SLC36A1: variants seen among roughly 807,000 people sequenced by gnomAD.
SLC36A1 encodes the protein proton-coupled amino acid transporter 1.
Under a neutral mutation model 47.5 loss-of-function variants are expected in SLC36A1, and 30 were observed. The ratio of observed to expected loss-of-function variants is 0.63; its 90% confidence interval spans 0.47 to 0.86. The LOEUF (loss-of-function observed/expected upper bound fraction) is 0.86, where lower values mean the gene tolerates loss of function less well. Among genes scored for constraint, SLC36A1 ranks in the 40% least tolerant of loss-of-function variants. The pLI is 0.00. For missense variants in SLC36A1, 517 were observed against 606.0 expected (o/e 0.85, Z 1.54); for synonymous variants, 255 against 249.7 (o/e 1.02, Z -0.20).
the SLC36A1 span, among the ~76,000 whole-genome samples, chr5:151,383,852 C>T: frequency 1.3e-5 from 2 of 152,136 alleles, no homozygotes; most frequent in Non-Finnish European, 1.5e-5. Context: ...AGATTACAGG[C>T]GTGAGCCACC....
chr5:151,417,178 G>A, the SLC36A1 span, among the ~76,000 whole-genome samples: 2 of 152,210 alleles, frequency 1.3e-5, no homozygotes, highest in Admixed American at 1.3e-4. Context: ...CTGCTATAAA[G>A]ATACTTGAAA....
At chr5:151,513,297 T>C in the SLC36A1 span, among the ~76,000 whole-genome samples, 1 of 152,242 alleles carries the variant, frequency 6.6e-6, no homozygotes, top group African/African-American at 2.4e-5. Flanking sequence ...TACACTCATA[T>C]GTTGATTGCA....
At chr5:151,505,718 A>C in the SLC36A1 span, 1 of 1,613,510 alleles carries the variant, frequency 6.2e-7, no homozygotes, top group Non-Finnish European at 8.5e-7. Context: ...TGAGGCGCAT[A>C]CCCACCCCCT....
At chr5:151,495,005 AGT>A (rs1760297870), downstream of SLC36A1, among the ~76,000 whole-genome samples, 1 of 152,218 alleles carries the variant, frequency 6.6e-6, no homozygotes, top group Non-Finnish European at 1.5e-5. Context: ...ATTTCTCTTG[AGT>A]AAATACCTAG....
chr5:151,437,883 T>A (rs11167547), intron 1 of SLC36A1, among the ~76,000 whole-genome samples: 22,076 of 152,006 alleles, frequency 0.15, 2,125 homozygotes, highest in East Asian at 0.38. Context: ...TAGGGTAGAA[T>A]CTGTTTCCTT....
At chr5:151,345,061 G>C in the SLC36A1 span, among the ~76,000 whole-genome samples, 2 of 152,128 alleles carry the variant, frequency 1.3e-5, no homozygotes, top group Admixed American at 1.3e-4. Context: ...AGACAAATGC[G>C]AAGGTTTGCC....
the SLC36A1 span, among the ~76,000 whole-genome samples, chr5:151,347,061 G>C: frequency 2.0e-5 from 3 of 152,180 alleles, no homozygotes; most frequent in African/African-American, 7.2e-5. Flanking sequence ...CAGGGTAATT[G>C]AGCCTCAGTT....
intron 1 of SLC36A1, among the ~76,000 whole-genome samples, chr5:151,452,914 A>T (rs142737906): frequency 1.2e-3 from 184 of 151,006 alleles, no homozygotes; most frequent in African/African-American, 4.0e-3. Flanking sequence ...ACAACAAAAA[A>T]ACATAGGCTG....
the SLC36A1 span, among the ~76,000 whole-genome samples, chr5:151,375,004 C>T: frequency 6.6e-6 from 1 of 151,522 alleles, no homozygotes; most frequent in South Asian, 2.1e-4. Context: ...TCCTATCTTG[C>T]AGATTGTCTG....
chr5:151,549,609 A>G, the SLC36A1 span: 3 of 823,852 alleles, frequency 3.6e-6, no homozygotes, highest in Non-Finnish European at 5.9e-6. Flanking sequence ...AATATGCCCA[A>G]TTGTAACTAA....
intron 5 of SLC36A1, 111 bp downstream of exon 5, chr5:151,465,280 C>A: frequency 3.5e-6 from 3 of 868,272 alleles, no homozygotes; most frequent in South Asian, 2.8e-5. Flanking sequence ...CTGTTTGGGT[C>A]AGTTGCCTTG....
the SLC36A1 span, among the ~76,000 whole-genome samples, chr5:151,357,135 A>G: frequency 6.6e-6 from 1 of 152,240 alleles, no homozygotes; most frequent in African/African-American, 2.4e-5. Context: ...GTGGTAGACA[A>G]CTGGAAAATC....
chr5:151,373,109 A>G, the SLC36A1 span, among the ~76,000 whole-genome samples: 6 of 152,246 alleles, frequency 3.9e-5, no homozygotes, highest in East Asian at 1.9e-4. Flanking sequence ...AAAATTTTCA[A>G]AAAATAATAA....
intron 1 of SLC36A1, among the ~76,000 whole-genome samples, chr5:151,438,355 A>G (rs1162359224): frequency 6.6e-6 from 1 of 152,000 alleles, no homozygotes; most frequent in African/African-American, 2.4e-5. Context: ...ATAACACTTT[A>G]TATGTCCTTG....
At chr5:151,346,591 C>T in the SLC36A1 span, among the ~76,000 whole-genome samples, 4 of 152,184 alleles carry the variant, frequency 2.6e-5, no homozygotes, top group Non-Finnish European at 5.9e-5. Flanking sequence ...CTTAAAGCAG[C>T]AGAACCTCTT....
intron 10 of SLC36A1, among the ~76,000 whole-genome samples, chr5:151,481,350 T>C (rs1758774855): frequency 6.6e-6 from 1 of 152,314 alleles, no homozygotes; most frequent in South Asian, 2.1e-4. Context: ...CTCACCTTCC[T>C]TGGAGACTTT....
chr5:151,540,944 C>A, the SLC36A1 span, among the ~76,000 whole-genome samples: 1 of 152,246 alleles, frequency 6.6e-6, no homozygotes, highest in Non-Finnish European at 1.5e-5. Flanking sequence ...GAAGCTACTT[C>A]TACTTCAAAT....
chr5:151,547,001 T>C, the SLC36A1 span, among the ~76,000 whole-genome samples: 1 of 152,224 alleles, frequency 6.6e-6, no homozygotes, highest in Non-Finnish European at 1.5e-5. Context: ...ACATCACCTT[T>C]ATAATTTTTT....
At position 151,479,363 on chromosome 5, in the gene SLC36A1, T is replaced by A. The variant is rs1025112273; in HGVS notation, c.1033T>A (p.Phe345Ile). ...GCTGCTGTACTCCATCGGGATCTTT[T>A]TCACCTACGCACTCCAGTTCTACGT... Reference protein sequence around the residue: ...VKLLYSIGIFFTYALQFYVPA... With the variant: ...VKLLYSIGIFITYALQFYVPA... Residue 345 changes from phenylalanine to isoleucine, a missense_variant, in exon 10 of 11, where the codon TTC becomes ATC. Coordinates refer to ENST00000243389, the MANE Select transcript of SLC36A1 (RefSeq NM_078483.4). 1 of 1,614,192 alleles carries A rather than the reference T, an allele frequency of 6.2e-7. No homozygotes were observed. Among genetic ancestry groups the A allele is most frequent in the Admixed American group, 1.7e-5 (1 of 60,026 alleles).
Sources: allele counts gnomAD v4.1 joint callset (sites outside exome capture counted in the v4.1 genomes callset), GRCh38; gene constraint gnomAD v4.1.1; transcripts MANE v1.5; gene names NCBI Gene and HGNC (gene_info 2026-07-23, HGNC 2026-07-21).